PPP2R2B: variants seen among roughly 807,000 people sequenced by gnomAD.
PPP2R2B encodes the protein serine/threonine-protein phosphatase 2A 55 kDa regulatory subunit B beta isoform.
In PPP2R2B, 5 loss-of-function variants were observed where a neutral mutation model predicts 46.0. That is an observed-to-expected ratio of 0.11 (90% CI 0.06 to 0.23). The LOEUF is 0.23. Among genes scored for constraint, PPP2R2B ranks in the 10% least tolerant of loss-of-function variants. The pLI, the probability that PPP2R2B is intolerant of heterozygous loss-of-function variation, is 1.00. For missense variants in PPP2R2B, 367 were observed against 575.0 expected (o/e 0.64, Z 3.70); for synonymous variants, 215 against 206.7 (o/e 1.04, Z -0.34).
intron 7 of PPP2R2B, among the ~76,000 whole-genome samples, chr5:146,631,465 C>T (rs924902395): frequency 6.6e-6 from 1 of 152,144 alleles, no homozygotes; most frequent in Non-Finnish European, 1.5e-5. Flanking sequence ...CCACTTGCTC[C>T]ATCTCTGTGT....
At chr5:146,861,099 G>A (rs575036887) in intron 2 of PPP2R2B, among the ~76,000 whole-genome samples, 138 of 140,068 alleles carry the variant, frequency 9.9e-4, no homozygotes, top group African/African-American at 3.5e-3. Flanking sequence ...TCTGTCGCTC[G>A]GGCTGGAGTG....
intron 2 of PPP2R2B, among the ~76,000 whole-genome samples, chr5:146,851,678 A>G (rs1273003714): frequency 6.6e-6 from 1 of 152,144 alleles, no homozygotes; most frequent in East Asian, 1.9e-4. Flanking sequence ...TGTAGGCAAA[A>G]CACAAGGTAT....
chr5:146,958,720 G>A (rs1203741292), intron 1 of PPP2R2B, among the ~76,000 whole-genome samples: 3 of 152,152 alleles, frequency 2.0e-5, no homozygotes, highest in Non-Finnish European at 4.4e-5. Flanking sequence ...CAACTTGAAA[G>A]GCCATAGTAT....
chr5:146,648,219 T>G (rs2151091179), intron 6 of PPP2R2B, among the ~76,000 whole-genome samples: 1 of 152,282 alleles, frequency 6.6e-6, no homozygotes, highest in South Asian at 2.1e-4. Context: ...TCCATGACCT[T>G]CCCCTTTTAC....
chr5:146,684,450 G>A (rs1249488664), intron 5 of PPP2R2B, among the ~76,000 whole-genome samples: 1 of 152,188 alleles, frequency 6.6e-6, no homozygotes, highest in Non-Finnish European at 1.5e-5. Context: ...CAGACAGAAC[G>A]TGCTTCATTC....
chr5:146,581,776 A>G lies in PPP2R2B; in HGVS notation c.*8171T>C, dbSNP rs924981986. On this transcript the variant is annotated 3_prime_UTR_variant, in exon 10 of 10. Coordinates refer to ENST00000394411, the MANE Select transcript of PPP2R2B (RefSeq NM_181675.4). ...AGAAATAGATTGTCTTTAATATGCA[A>G]CTATGATTGTTTGCTGTTCTCTTTA... The G allele has an allele frequency of 6.6e-6, 1 of 152,194 alleles. No homozygotes were observed. The highest frequency in any genetic ancestry group is 6.5e-5 in the Admixed American group (1 of 15,274). 9.4% of individuals were successfully genotyped at this position (152,194 alleles called of 1,614,324 possible).
At chr5:146,970,147 C>T (rs1752600729) in intron 1 of PPP2R2B, among the ~76,000 whole-genome samples, 1 of 152,134 alleles carries the variant, frequency 6.6e-6, no homozygotes, top group Admixed American at 6.5e-5. Flanking sequence ...TTATTATTCC[C>T]ATTTTGCAGA....
chr5:146,824,227 A>G (rs530811111), intron 2 of PPP2R2B, among the ~76,000 whole-genome samples: 1 of 152,372 alleles, frequency 6.6e-6, no homozygotes, highest in Non-Finnish European at 1.5e-5. Flanking sequence ...AAAAGCCTAG[A>G]ACATAGAGTC....
At chr5:146,668,052 T>C (rs1395259864) in intron 5 of PPP2R2B, among the ~76,000 whole-genome samples, 1 of 152,168 alleles carries the variant, frequency 6.6e-6, no homozygotes, top group East Asian at 1.9e-4. Context: ...CTCACTTCTA[T>C]CCACCCATCC....
At chr5:146,752,098 A>G (rs1402330400) in intron 2 of PPP2R2B, among the ~76,000 whole-genome samples, 3 of 152,114 alleles carry the variant, frequency 2.0e-5, no homozygotes, top group Non-Finnish European at 2.9e-5. Flanking sequence ...GAAATCTGTT[A>G]CAAGTTTATT....
intron 3 of PPP2R2B, 124 bp downstream of exon 3, chr5:146,700,921 T>C (rs755283459): frequency 1.8e-4 from 149 of 831,416 alleles, no homozygotes; most frequent in Non-Finnish European, 2.7e-4. Context: ...AATGACTTTT[T>C]TGGCAGTTTT....
At chr5:146,984,529 A>G (rs186244507) in intron 1 of PPP2R2B, among the ~76,000 whole-genome samples, 1 of 152,356 alleles carries the variant, frequency 6.6e-6, no homozygotes, top group Admixed American at 6.5e-5. Context: ...TATTGTGAAT[A>G]GTGTGGTAAT....
intron 2 of PPP2R2B, among the ~76,000 whole-genome samples, chr5:146,769,801 A>AT (rs1337452407): frequency 6.6e-6 from 1 of 152,222 alleles, no homozygotes; most frequent in Admixed American, 6.5e-5. Context: ...GACAAGTGAG[A>AT]TAAAAACAGG....
intron 2 of PPP2R2B, among the ~76,000 whole-genome samples, chr5:146,755,483 A>G (rs1753783546): frequency 6.6e-6 from 1 of 152,212 alleles, no homozygotes; most frequent in Non-Finnish European, 1.5e-5. Flanking sequence ...CATAAGTCAT[A>G]TATAATAAAT....
chr5:146,714,344 T>C lies in PPP2R2B; in HGVS notation c.71-13202A>G, dbSNP rs114610528. The stretch of plus-strand genomic sequence containing the variant: ...TGATCGGAGTAGGTTTCAGAGAGAA[T>C]GGGAGGAGAGGAATTGGAGATGGTG... On this transcript the variant is annotated intron_variant, in intron 2 of 9. Coordinates refer to ENST00000394411, the MANE Select transcript of PPP2R2B (RefSeq NM_181675.4). 8.9e-3 allele frequency among the ~76,000 whole-genome samples: 1,358 copies of C among 152,104 alleles called. 23 individuals carry two copies. Among genetic ancestry groups the C allele is most frequent in the African/African-American group, 0.031 (1,299 of 41,502 alleles).
At chr5:146,644,234 CAAAAAAAA>C (rs58634387) in intron 6 of PPP2R2B, among the ~76,000 whole-genome samples, 224 of 60,688 alleles carry the variant, frequency 3.7e-3, no homozygotes, top group Admixed American at 6.3e-3. Flanking sequence ...AGGAAAGTTT[CAAAAAAAA>C]AAAAAAAAAA....
intron 1 of PPP2R2B, among the ~76,000 whole-genome samples, chr5:146,915,180 C>T (rs773284257): frequency 7.9e-5 from 12 of 152,108 alleles, no homozygotes; most frequent in Non-Finnish European, 1.6e-4. Context: ...GGTTTTCTTA[C>T]ATCTAATTTT....
chr5:146,800,868 ATGTC>A (rs1056530413), intron 2 of PPP2R2B, among the ~76,000 whole-genome samples: 3 of 151,998 alleles, frequency 2.0e-5, no homozygotes, highest in African/African-American at 7.2e-5. Context: ...AGCAACCTAA[ATGTC>A]TGTCAACAGA....
chr5:146,975,316 T>C (rs1201769975), intron 1 of PPP2R2B, among the ~76,000 whole-genome samples: 1 of 152,236 alleles, frequency 6.6e-6, no homozygotes, highest in Admixed American at 6.5e-5. Context: ...TCCATCCATG[T>C]TATAGCATGA....
Sources: allele counts gnomAD v4.1 joint callset (sites outside exome capture counted in the v4.1 genomes callset), GRCh38; gene constraint gnomAD v4.1.1; transcripts MANE v1.5; gene names NCBI Gene and HGNC (gene_info 2026-07-23, HGNC 2026-07-21).